The following STX11 variants were observed in gnomAD, a reference collection of about 807,000 sequenced individuals.
STX11 encodes the protein syntaxin 11.
STX11 carries 21 observed loss-of-function variants against 19.9 expected under a neutral mutation model. That is an observed-to-expected ratio of 1.06 (90% CI 0.75 to 1.52). The LOEUF (loss-of-function observed/expected upper bound fraction) is 1.52. Among genes scored for constraint, STX11 ranks in the 40% most tolerant of loss-of-function variants. STX11 has a pLI of 0.00. For synonymous variants in STX11, 193 were observed against 174.4 expected, an observed-to-expected ratio of 1.11 and a Z score of -0.84; for missense variants, 438 against 405.9, an observed-to-expected ratio of 1.08 and a Z score of -0.68.
chr6:144,163,506 C>CT (rs1157633183), intron 1 of STX11, among the ~76,000 whole-genome samples: 4 of 151,886 alleles, frequency 2.6e-5, no homozygotes, highest in Non-Finnish European at 5.9e-5. Context: ...GAGACAGAGT[C>CT]TTACTCTGTC....
At chr6:144,140,774 A>G in the STX11 span, 5 of 985,280 alleles carry the variant, frequency 5.1e-6, no homozygotes, top group African/African-American at 1.7e-5. Context: ...GATGAAGGGG[A>G]GGAAGAAGAG....
Position 144,151,514 on chromosome 6 carries a change from GCCCTGCCAACC to G in STX11, c.-6+812_-6+822del, listed in dbSNP as rs1801005943. The G allele has an allele frequency of 1.2e-6, 1 of 844,300 alleles. No homozygotes were observed. Among genetic ancestry groups the G allele is most frequent in the African/African-American group, 1.8e-5 (1 of 54,450 alleles). 52.3% of individuals were successfully genotyped at this position (844,300 alleles called of 1,614,324 possible). ...ATGAGACTCTAGATGTGAAATGCCTGCCCTGCCAACCTGGGGCAGTGGTATGGGAAGTGACG... is the reference window on the plus strand; with the variant it reads ...ATGAGACTCTAGATGTGAAATGCCTGTGGGGCAGTGGTATGGGAAGTGACG... On this transcript the variant is annotated intron_variant, in intron 1 of 1. Transcript: ENST00000367568. This position sits in a 1 kb window ranked among gnomAD's most constrained non-coding sequence, Gnocchi z 4.6.
rs906020158 is a variant in STX11, at chr6:144,180,127, T to A, written c.-5-6496T>A. On this transcript the variant is annotated intron_variant, in intron 1 of 1. Transcript: ENST00000367568. The surrounding 1 kb of genome is among the most constrained non-coding windows in gnomAD (Gnocchi z 5.3). ...CCATGTCTGAAAATTTCTCACTACT[T>A]GTAAAAATACTTTAACATCTTGCTG... is the stretch of plus-strand genomic sequence containing the variant. Among the ~76,000 whole-genome samples the A allele has an allele frequency of 5.9e-5, 9 of 152,234 alleles. No individual in the cohort carries two copies. The highest frequency in any genetic ancestry group is 1.9e-4 in the African/African-American group (8 of 41,468).
chr6:144,187,442 A>G lies in STX11; in HGVS notation c.815A>G (p.Lys272Arg). The part of the protein sequence containing the change: ...QVRKAVQYEE[K>R]NPCRTLCCFC... ...CGGAAGGCCGTGCAGTACGAGGAGAAGAACCCCTGCCGGACCCTCTGCTGC... is the reference window on the plus strand; with the variant it reads ...CGGAAGGCCGTGCAGTACGAGGAGAGGAACCCCTGCCGGACCCTCTGCTGC... Residue 272 changes from lysine (K) to arginine (R), a missense_variant, in exon 2 of 2, where the codon AAG becomes AGG. Coordinates refer to ENST00000367568, the MANE Select transcript of STX11 (RefSeq NM_003764.4). The surrounding 1 kb of genome is among the most constrained non-coding windows in gnomAD (Gnocchi z 5.6). The G allele has an allele frequency of 2.5e-6, 4 of 1,612,318 alleles. No individual in the cohort carries two copies. The highest frequency in any genetic ancestry group is 1.7e-6 in the Non-Finnish European group (2 of 1,179,970).
chr6:144,185,732 T>G (rs1431656249), intron 1 of STX11, among the ~76,000 whole-genome samples: 1 of 152,248 alleles, frequency 6.6e-6, no homozygotes, highest in East Asian at 1.9e-4. Flanking sequence ...AGCAGTGTTA[T>G]TTACGATGCT....
At chr6:144,140,233 TATATATATATATA>T in the STX11 span, among the ~76,000 whole-genome samples, 1 of 49,442 alleles carries the variant, frequency 2.0e-5, no homozygotes, top group African/African-American at 1.2e-4. Flanking sequence ...TATATATATA[TATATATATATATA>T]TATATATATT....
rs909657472 is a variant in STX11, at chr6:144,175,507, A to T, written c.-5-11116A>T. 6.6e-6 allele frequency among the ~76,000 whole-genome samples: 1 copy of T among 152,142 alleles called. No homozygotes were observed. Among genetic ancestry groups the T allele is most frequent in the Non-Finnish European group, 1.5e-5 (1 of 68,022 alleles). On this transcript the variant is annotated intron_variant, in intron 1 of 1. Transcript: ENST00000367568. This position sits in a 1 kb window ranked among gnomAD's most constrained non-coding sequence, Gnocchi z 5.1. ...TTTTCAGTAGAGATGGGGTTTCACC[A>T]TGTTGACCAGGCTGGTCTTGAACTC...
At chr6:144,145,155 T>C in the STX11 span, among the ~76,000 whole-genome samples, 2 of 152,186 alleles carry the variant, frequency 1.3e-5, no homozygotes, top group Non-Finnish European at 2.9e-5. Flanking sequence ...CAAGTGTCCA[T>C]TGACAGGTGA....
At position 144,189,892 on chromosome 6, in the gene STX11, T is replaced by A. The variant is rs1584068154; in HGVS notation, c.*2401T>A. On this transcript the variant is annotated 3_prime_UTR_variant, in exon 2 of 2. Coordinates refer to ENST00000367568, the MANE Select transcript of STX11 (RefSeq NM_003764.4). ...AAATGTTCACATAGCTCCACTGCAATGTTTTTTATAATAGAGGAGAGATAT... is the reference window on the plus strand; with the variant it reads ...AAATGTTCACATAGCTCCACTGCAAAGTTTTTTATAATAGAGGAGAGATAT... 6.6e-6 allele frequency among the ~76,000 whole-genome samples: 1 copy of A among 152,324 alleles called. No homozygotes were observed. The highest frequency in any genetic ancestry group is 1.9e-4 in the East Asian group (1 of 5,186).
In STX11 at chr6:144,186,952, G is replaced by A. The variant is rs1446340815; in HGVS notation, c.325G>A (p.Glu109Lys). Reference protein sequence around the residue: ...VIHCKLRAMKELSEAAEAQHG... With the variant: ...VIHCKLRAMKKLSEAAEAQHG... ...CCACTGCAAGCTGCGCGCCATGAAG[G>A]AGCTGAGCGAGGCGGCTGAGGCCCA... The change falls in exon 2 of 2, where the codon GAG (glutamate) becomes AAG (lysine). Residue 109 changes from glutamate (E) to lysine (K), a missense_variant. Coordinates refer to ENST00000367568, the MANE Select transcript of STX11 (RefSeq NM_003764.4). The A allele has an allele frequency of 1.9e-6, 3 of 1,609,200 alleles. No homozygotes were observed. Among genetic ancestry groups the A allele is most frequent in the African/African-American group, 2.7e-5 (2 of 74,944 alleles).
intron 1 of STX11, among the ~76,000 whole-genome samples, chr6:144,164,637 A>T (rs1159759800): frequency 1.3e-5 from 2 of 152,220 alleles, no homozygotes; most frequent in Non-Finnish European, 2.9e-5. Context: ...GTATTAAAAG[A>T]TGTTTAAGAT....
Position 144,176,230 on chromosome 6 carries a change from C to T in STX11, c.-5-10393C>T, listed in dbSNP as rs572847212. ...TACCTCCCCACACTAGCGCCTCCCA[C>T]CCTAACTCCCCCAACAGCTTCAGTG... On this transcript the variant is annotated intron_variant, in intron 1 of 1. Coordinates refer to ENST00000367568, the MANE Select transcript of STX11 (RefSeq NM_003764.4). This position sits in a 1 kb window ranked among gnomAD's most constrained non-coding sequence, Gnocchi z 4.1. 4.0e-4 allele frequency among the ~76,000 whole-genome samples: 61 copies of T among 152,244 alleles called. 2 individuals carry two copies. The South Asian group carries it at 0.011, about 27-fold the overall frequency.
chr6:144,141,311 T>G, the STX11 span, among the ~76,000 whole-genome samples: 1 of 152,222 alleles, frequency 6.6e-6, no homozygotes, highest in African/African-American at 2.4e-5. Context: ...CTCTTACAAG[T>G]AAGCAAATAT....
At position 144,150,686 on chromosome 6, in the gene STX11, C is replaced by T. The variant is rs1800980336; in HGVS notation, c.-23C>T. 1.0e-6 allele frequency: 1 copy of T among 985,256 alleles called. No homozygotes were observed. Among genetic ancestry groups the T allele is most frequent in the African/African-American group, 1.7e-5 (1 of 57,276 alleles). The allele number at this position is 985,256 out of a possible 1,614,324, so 61.0% of individuals were successfully genotyped here. ...CGGGAGAGGGGCTTCTCGGTTCGCA[C>T]TCTCGCTCCCAGTCCAGGTTTGTTT... On this transcript the variant is annotated 5_prime_UTR_variant, in exon 1 of 2. Coordinates refer to ENST00000367568, the MANE Select transcript of STX11 (RefSeq NM_003764.4).
rs2128755769 is a variant in STX11 at position 144,184,569 on chromosome 6, CTTTTGCTA to C, written c.-5-2053_-5-2046del. Among the ~76,000 whole-genome samples, 1 of 152,254 alleles carries C rather than the reference CTTTTGCTA, an allele frequency of 6.6e-6. No individual in the cohort carries two copies. The highest frequency in any genetic ancestry group is 1.5e-5 in the Non-Finnish European group (1 of 68,000). On this transcript the variant is annotated intron_variant, in intron 1 of 1. Transcript: ENST00000367568. The surrounding 1 kb of genome is among the most constrained non-coding windows in gnomAD (Gnocchi z 6.5). The stretch of plus-strand genomic sequence containing the variant: ...AGTCTTTTGTGACTATATTTTTATA[CTTTTGCTA>C]AAGATTATTTAGTGCATTGGTTAAG...
Position 144,187,386 on chromosome 6 carries a change from C to G in STX11, c.759C>G (p.Val253=), listed in dbSNP as rs369303487. The G allele has an allele frequency of 6.2e-7, 1 of 1,610,716 alleles. No individual in the cohort carries two copies. Among genetic ancestry groups the G allele is most frequent in the South Asian group, 1.1e-5 (1 of 91,078 alleles). ...TCGAGCTCAACGTACAAAAGACGGT[C>G]GACTACACCGGCCAGGCCAAGGCGC... The part of the protein sequence containing the change: ...NVIELNVQKT[V]DYTGQAKAQV... The change falls in exon 2 of 2, where the codon GTC becomes GTG. Residue 253 remains valine, a synonymous_variant. Coordinates refer to ENST00000367568, the MANE Select transcript of STX11 (RefSeq NM_003764.4). This position sits in a 1 kb window ranked among gnomAD's most constrained non-coding sequence, Gnocchi z 5.6.
chr6:144,186,623 G>A lies in STX11; in HGVS notation c.-5G>A, dbSNP rs751130386. The stretch of plus-strand genomic sequence containing the variant: ...TTAACTTCATTATCTCTACTTGCAG[G>A]CAAAATGAAAGACCGGCTAGCAGAA... On this transcript the variant is annotated splice_region_variant and 5_prime_UTR_variant, in exon 2 of 2. Transcript: ENST00000367568. 1 of 1,613,972 alleles carries A rather than the reference G, an allele frequency of 6.2e-7. No individual in the cohort carries two copies. The highest frequency in any genetic ancestry group is 8.5e-7 in the Non-Finnish European group (1 of 1,180,026).
At chr6:144,143,568 G>C in the STX11 span, among the ~76,000 whole-genome samples, 1 of 152,038 alleles carries the variant, frequency 6.6e-6, no homozygotes, top group East Asian at 1.9e-4. Flanking sequence ...TTTTGTTGAG[G>C]GGCATACACG....
chr6:144,144,388 T>A, the STX11 span, among the ~76,000 whole-genome samples: 6 of 152,230 alleles, frequency 3.9e-5, no homozygotes, highest in Non-Finnish European at 8.8e-5. Context: ...AGCCACAGAC[T>A]TTTAAGCAGC....
Sources: gnomAD v4.1 joint callset for allele counts (sites outside exome capture counted in the v4.1 genomes callset) on GRCh38, gnomAD v4.1.1 for gene constraint, Gnocchi (gnomAD v3.1) non-coding constraint, MANE v1.5 for transcripts, NCBI Gene and HGNC (gene_info 2026-07-23, HGNC 2026-07-21) for gene names.